Variants in MUC5AC observed in about 807,000 individuals in gnomAD.
The protein encoded by MUC5AC is mucin 5AC, oligomeric mucus/gel-forming.
A neutral mutation model predicts 169.7 loss-of-function variants in MUC5AC; 158 were observed. That is an observed-to-expected ratio of 0.93 (90% CI 0.82 to 1.06). The LOEUF is 1.06. MUC5AC is among the 50% of genes least tolerant of loss of function. The pLI, the probability that MUC5AC is intolerant of heterozygous loss-of-function variation, is 0.00. For missense variants in MUC5AC, 4,359 were observed against 3,089.9 expected (o/e 1.41, Z -9.74); for synonymous variants, 1,975 against 1,237.0 (o/e 1.60, Z -12.52).
In MUC5AC at chr11:1,180,402, A is replaced by C. The variant is rs922231289; in HGVS notation, c.3662A>C (p.Lys1221Thr). ...GAGGCTCCCATCTTTGATGAGGACAAGATGCAGTGTGTGGCCACCTGCCCA... is the reference window on the plus strand; with the variant it reads ...GAGGCTCCCATCTTTGATGAGGACACGATGCAGTGTGTGGCCACCTGCCCA... ...PPEAPIFDED[K>T]MQCVATCPTP... The change falls in exon 28 of 49, where the codon AAG becomes ACG. Residue 1221 changes from lysine to threonine, a missense_variant. Coordinates refer to ENST00000621226, the MANE Select transcript of MUC5AC (RefSeq NM_001304359.2). 1.3e-5 allele frequency: 5 copies of C among 398,698 alleles called. No homozygotes were observed. Among genetic ancestry groups the C allele is most frequent in the Non-Finnish European group, 2.2e-5 (5 of 226,198 alleles). 24.7% of individuals were successfully genotyped at this position (398,698 alleles called of 1,614,324 possible). A position where few individuals can be genotyped will look rare whatever the true frequency, so the allele number is the denominator to read the frequency against.
chr11:1,164,307 C>A lies in MUC5AC; in HGVS notation c.991C>A (p.Pro331Thr), dbSNP rs1860238468. The A allele has an allele frequency of 6.2e-7, 1 of 1,612,060 alleles. No homozygotes were observed. The highest frequency in any genetic ancestry group is 8.5e-7 in the Non-Finnish European group (1 of 1,179,858). ...AGGLPQDWRG[P>T]DFCPQKCPNN... ...GGGGTTGCCCCAGGACTGGCGGGGC[C>A]CTGACTTCTGCCGTGAGTGTCCCAG... Residue 331 changes from proline (P) to threonine (T), a missense_variant, in exon 8 of 49, where the codon CCT (proline) becomes ACT (threonine). Coordinates refer to ENST00000621226, the MANE Select transcript of MUC5AC (RefSeq NM_001304359.2).
intron 1 of MUC5AC, among the ~76,000 whole-genome samples, chr11:1,159,969 T>TCTGTGCAGGG: frequency 8.0e-6 from 1 of 125,060 alleles, no homozygotes; most frequent in African/African-American, 3.1e-5. Context: ...CCATGCTGGC[T>TCTGTGCAGGG]CTGTGCAGGG....
At chr11:1,171,570 CACTT>C (rs1200212906) in intron 15 of MUC5AC, among the ~76,000 whole-genome samples, 15 of 142,280 alleles carry the variant, frequency 1.1e-4, no homozygotes, top group Admixed American at 2.8e-4. Context: ...CTCACCCACT[CACTT>C]ACCCATTCAC....
intron 39 of MUC5AC, 43 bp from the exon 40 acceptor site, chr11:1,196,834 G>C (rs1311308356): frequency 1.3e-6 from 1 of 757,740 alleles, no homozygotes; most frequent in South Asian, 1.4e-5. Flanking sequence ...CGCCCCTATT[G>C]TGGTGGCTGA....
At position 1,177,560 on chromosome 11, in the gene MUC5AC, A is replaced by T. The variant is rs1283923793; in HGVS notation, c.3014A>T (p.Asp1005Val). 2.5e-6 allele frequency: 1 copy of T among 398,660 alleles called. No homozygotes were observed. The highest frequency in any genetic ancestry group is 3.6e-5 in the East Asian group (1 of 28,094). 24.7% of individuals were successfully genotyped at this position (398,660 alleles called of 1,614,324 possible). ...IRQMGIYLVV[D>V]TDIGLVLLWD... Reference sequence around the variant, plus strand: ...CAGATGGGCATCTACCTGGTGGTGGACACCGACATTGGCCTGGTGCTGCTG... The same window carrying T: ...CAGATGGGCATCTACCTGGTGGTGGTCACCGACATTGGCCTGGTGCTGCTG... The change falls in exon 24 of 49, where the codon GAC becomes GTC. Residue 1005 changes from aspartate (D) to valine (V), a missense_variant. Transcript: ENST00000621226.
rs1485585686 is a variant in MUC5AC at position 1,185,938 on chromosome 11, C to G, written c.7793C>G (p.Ala2598Gly). The G allele has an allele frequency of 9.4e-6, 7 of 742,634 alleles. No individual in the cohort carries two copies. The highest frequency in any genetic ancestry group is 1.7e-5 in the Non-Finnish European group (7 of 406,662). The allele number at this position is 742,634 out of a possible 1,614,324, so 46.0% of individuals were successfully genotyped here. Residue 2598 changes from alanine (A) to glycine (G), a missense_variant, in exon 31 of 49, where the codon GCT (alanine) becomes GGT (glycine). Ala to Gly is a moderately conservative substitution (Grantham distance 60, BLOSUM62 0). Coordinates refer to ENST00000621226, the MANE Select transcript of MUC5AC (RefSeq NM_001304359.2). Reference sequence around the variant, plus strand: ...TCTGGTCCTGGAACTACTCCCAGTGCTGTTCCCACCACCAGCATAACCTCT... The same window carrying G: ...TCTGGTCCTGGAACTACTCCCAGTGGTGTTCCCACCACCAGCATAACCTCT... ...TTSGPGTTPS[A>G]VPTTSITSAP...
rs576870620 is a variant in MUC5AC, at chr11:1,162,604, G to A, written c.546G>A (p.Arg182=). The change falls in exon 5 of 49, where the codon AGG becomes AGA. Residue 182 remains arginine (R), a synonymous_variant. Transcript: ENST00000621226. ...QSSSYTKVEA[R]LGLVLMWNHD... ...GCAGCTACACCAAGGTGGAGGCCAGGCTGGGCCTTGTCCTCATGTGGAACC... is the reference window on the plus strand; with the variant it reads ...GCAGCTACACCAAGGTGGAGGCCAGACTGGGCCTTGTCCTCATGTGGAACC... 1.7e-5 allele frequency: 27 copies of A among 1,612,760 alleles called. No homozygotes were observed. Among genetic ancestry groups the A allele is most frequent in the African/African-American group, 1.6e-4 (12 of 75,044 alleles).
Position 1,164,006 on chromosome 11 carries a change from G to T in MUC5AC, c.789+15G>T. On this transcript the variant is annotated intron_variant, in intron 7 of 48. Coordinates refer to ENST00000621226, the MANE Select transcript of MUC5AC (RefSeq NM_001304359.2). ...CCACTGGCTTTGTAAGCCTTGGAGG[G>T]AACAGAGGGCCCAGCAGGTTGAGCA... is the stretch of plus-strand genomic sequence containing the variant. 1 of 1,609,264 alleles carries T rather than the reference G, an allele frequency of 6.2e-7. No individual in the cohort carries two copies. The highest frequency in any genetic ancestry group is 8.5e-7 in the Non-Finnish European group (1 of 1,178,028).
chr11:1,165,517 C>A (rs967905799), intron 10 of MUC5AC, 98 bp downstream of exon 10: 2 of 1,580,044 alleles, frequency 1.3e-6, no homozygotes. Flanking sequence ...GTCTGGGCTA[C>A]GGTGTAGGCA....
chr11:1,178,611 C>T lies in MUC5AC; in HGVS notation c.3255C>T (p.Pro1085=), dbSNP rs911640096. ...LAPKDPCTAN[P]FRKSWAQKQC... is the part of the protein sequence containing the mutation. ...CCAAGGACCCCTGCACGGCCAACCC[C>T]TTCCGCAAGTCCTGGGCCCAGAAGC... The change falls in exon 25 of 49, where the codon CCC becomes CCT. Residue 1085 remains proline, a synonymous_variant. Coordinates refer to ENST00000621226, the MANE Select transcript of MUC5AC (RefSeq NM_001304359.2). 4 of 1,407,878 alleles carry T rather than the reference C, an allele frequency of 2.8e-6. No homozygotes were observed. Among genetic ancestry groups the T allele is most frequent in the Non-Finnish European group, 2.8e-6 (3 of 1,070,468 alleles). The allele number at this position is 1,407,878 out of a possible 1,614,324, so 87.2% of individuals were successfully genotyped here. A position where few individuals can be genotyped will look rare whatever the true frequency, so the allele number is the denominator to read the frequency against.
chr11:1,176,392 T>TGC, intron 20 of MUC5AC, 122 bp from the exon 21 acceptor site: 1 of 398,688 alleles, frequency 2.5e-6, no homozygotes, highest in Non-Finnish European at 4.4e-6. Context: ...CCCCTGCCCA[T>TGC]GCGCTCCCGG....
chr11:1,188,284 C>A lies in MUC5AC; in HGVS notation c.10139C>A (p.Thr3380Asn), dbSNP rs1469176312. ...PQTSTTSAPT[T>N]STTSAPTTST... ...ACCAGCACAACCTCTGCTCCTACAA[C>A]CAGCACAACCTCTGCTCCCACAACC... Residue 3380 changes from threonine to asparagine, a missense_variant, in exon 31 of 49, where the codon ACC becomes AAC. Transcript: ENST00000621226. 2 of 701,920 alleles carry A rather than the reference C, an allele frequency of 2.8e-6. No homozygotes were observed. Among genetic ancestry groups the A allele is most frequent in the African/African-American group, 3.5e-5 (2 of 56,718 alleles). 43.5% of individuals were successfully genotyped at this position (701,920 alleles called of 1,614,324 possible).
rs1375450123 is a variant in MUC5AC at position 1,191,334 on chromosome 11, T to C, written c.13189T>C (p.Ser4397Pro). 21 of 691,038 alleles carry C rather than the reference T, an allele frequency of 3.0e-5. No individual in the cohort carries two copies. Among genetic ancestry groups the C allele is most frequent in the African/African-American group, 2.0e-4 (8 of 40,542 alleles). 42.8% of individuals were successfully genotyped at this position (691,038 alleles called of 1,614,324 possible). The change falls in exon 31 of 49, where the codon TCT (serine) becomes CCT (proline). Residue 4397 changes from serine (S) to proline (P), a missense_variant. Ser to Pro is a moderately conservative substitution (Grantham distance 74). Coordinates refer to ENST00000621226, the MANE Select transcript of MUC5AC (RefSeq NM_001304359.2). ...SAPTTRTTSA[S>P]TASTTSGPGS... is the part of the protein sequence containing the mutation. ...TCCTACAACCAGAACAACCTCTGCC[T>C]CTACAGCCAGCACAACCTCTGGTCC...
In MUC5AC at chr11:1,185,897, T is replaced by G; in HGVS notation, c.7752T>G (p.Pro2584=). The change falls in exon 31 of 49, where the codon CCT becomes CCG. Residue 2584 remains proline, a synonymous_variant. Transcript: ENST00000621226. The part of the protein sequence containing the change: ...PVPTTSTTSA[P]TTSTTSGPGT... Reference sequence around the variant, plus strand: ...CTACCACGAGCACAACCTCTGCTCCTACAACCAGCACAACCTCTGGTCCTG... The same window carrying G: ...CTACCACGAGCACAACCTCTGCTCCGACAACCAGCACAACCTCTGGTCCTG... The G allele has an allele frequency of 1.3e-6, 1 of 747,298 alleles. No individual in the cohort carries two copies. The highest frequency in any genetic ancestry group is 2.4e-6 in the Non-Finnish European group (1 of 409,406). 46.3% of individuals were successfully genotyped at this position (747,298 alleles called of 1,614,324 possible).
chr11:1,171,999 C>A (rs1484584862), intron 15 of MUC5AC, among the ~76,000 whole-genome samples: 5 of 152,162 alleles, frequency 3.3e-5, no homozygotes, highest in Admixed American at 2.0e-4. Context: ...ATTCACTTCG[C>A]CTTCAGAGCT....
At chr11:1,169,850 C>A (rs1452550501) in intron 15 of MUC5AC, among the ~76,000 whole-genome samples, 1 of 131,026 alleles carries the variant, frequency 7.6e-6, no homozygotes, top group Non-Finnish European at 1.6e-5. Context: ...ACCCACTCAC[C>A]GACTCACCCA....
intron 41 of MUC5AC, 33 bp from the exon 42 acceptor site, chr11:1,197,870 A>G (rs1221165287): frequency 5.7e-6 from 4 of 697,812 alleles, no homozygotes; most frequent in Non-Finnish European, 5.2e-6. Context: ...GGCGGGGGAC[A>G]GACTCCTAAT....
rs1350958795 is a variant in MUC5AC at position 1,185,407 on chromosome 11, C to A, written c.7262C>A (p.Thr2421Asn). The part of the protein sequence containing the change: ...STTSAPTTST[T>N]SAPTSSTTSS... Reference sequence around the variant, plus strand: ...ACCTCAGCTCCTACAACCAGCACAACCTCTGCCCCTACAAGCAGCACAACC... The same window carrying A: ...ACCTCAGCTCCTACAACCAGCACAAACTCTGCCCCTACAAGCAGCACAACC... Residue 2421 changes from threonine to asparagine, a missense_variant, in exon 31 of 49, where the codon ACC becomes AAC. By Grantham distance (65) the Thr-to-Asn change is moderately conservative. Coordinates refer to ENST00000621226, the MANE Select transcript of MUC5AC (RefSeq NM_001304359.2). 1.8e-5 allele frequency: 13 copies of A among 730,788 alleles called. No homozygotes were observed. The highest frequency in any genetic ancestry group is 2.5e-5 in the East Asian group (1 of 39,470). The allele number at this position is 730,788 out of a possible 1,614,324, so 45.3% of individuals were successfully genotyped here.
chr11:1,186,957 A>G lies in MUC5AC; in HGVS notation c.8812A>G (p.Thr2938Ala). The G allele has an allele frequency of 4.1e-6, 3 of 734,866 alleles. No homozygotes were observed. In the East Asian group the frequency reaches 7.5e-5, roughly 18 times the overall value. The allele number at this position is 734,866 out of a possible 1,614,324, so 45.5% of individuals were successfully genotyped here. A position where few individuals can be genotyped will look rare whatever the true frequency, so the allele number is the denominator to read the frequency against. The change falls in exon 31 of 49, where the codon ACC becomes GCC. Residue 2938 changes from threonine to alanine, a missense_variant. By Grantham distance (58) the Thr-to-Ala change is moderately conservative. Coordinates refer to ENST00000621226, the MANE Select transcript of MUC5AC (RefSeq NM_001304359.2). ...AACCAGCACAATCTCTGTTCCTACA[A>G]CCAGCACAACTTCTGTTCCTGGAAC... ...TTTSTISVPTTSTTSVPGTTP... is the reference protein window; with the variant it reads ...TTTSTISVPTASTTSVPGTTP...
Sources: allele counts gnomAD v4.1 joint callset (sites outside exome capture counted in the v4.1 genomes callset), GRCh38; gene constraint gnomAD v4.1.1; transcripts MANE v1.5; gene names NCBI Gene and HGNC (gene_info 2026-07-23, HGNC 2026-07-21).